NBPF9: variants seen among roughly 807,000 people sequenced by gnomAD.
NBPF9 encodes the protein NBPF family member NBPF9.
NBPF9 carries 91 observed loss-of-function variants against 97.8 expected under a neutral mutation model. The observed-to-expected ratio is 0.93, with a 90% CI of 0.79 to 1.11. The LOEUF (loss-of-function observed/expected upper bound fraction) is 1.11, where lower values mean the gene tolerates loss of function less well. Among genes scored for constraint, NBPF9 ranks in the 50% least tolerant of loss-of-function variants. The pLI, the probability that NBPF9 is intolerant of heterozygous loss-of-function variation, is 0.00. For missense variants in NBPF9, 992 were observed against 939.5 expected (o/e 1.06, Z -0.73); for synonymous variants, 334 against 359.5 (o/e 0.93, Z 0.80).
chr1:149,081,450 G>A (rs9441137), intron 7 of NBPF9, among the ~76,000 whole-genome samples: 14 of 149,612 alleles, frequency 9.4e-5, no homozygotes, highest in African/African-American at 3.4e-4. Flanking sequence ...GTCACTTATA[G>A]GTAGCACAGG....
chr1:149,082,118 A>T (rs1473905642), exon 7 of NBPF9: 11 of 1,611,826 alleles, frequency 6.8e-6, no homozygotes, highest in Admixed American at 3.3e-5. Context: ...TCGCTGGACC[A>T]AGGGCCGGCT....
intron 21 of NBPF9, 103 bp from the exon 22 acceptor site, chr1:149,062,368 A>T (rs879235462): frequency 1.1e-5 from 7 of 651,712 alleles, no homozygotes; most frequent in East Asian, 5.4e-5. Context: ...TAAAAAGAAA[A>T]AGGACAGATC....
At chr1:149,079,785 C>T (rs1437991554) in intron 8 of NBPF9, among the ~76,000 whole-genome samples, 22 of 151,964 alleles carry the variant, frequency 1.4e-4, no homozygotes, top group Admixed American at 3.3e-4. Flanking sequence ...TAGGTGGTTC[C>T]CACTCCTTTG....
At chr1:149,079,414 G>A (rs1486580576) in intron 8 of NBPF9, among the ~76,000 whole-genome samples, 193 bp from the exon 9 acceptor site, 1 of 151,568 alleles carries the variant, frequency 6.6e-6, no homozygotes, top group Admixed American at 6.6e-5. Flanking sequence ...TATCAGAGAG[G>A]GCTCCTGCAA....
At position 149,065,593 on chromosome 1, in the gene NBPF9, G is replaced by C. The variant is rs2078989198; in HGVS notation, c.1734C>G (p.Tyr578Ter). ...AGTGAAATGTGCTGCTGTAAGACTT[G>C]TACGAGGCCAACATTTCAGGAGGAA... The change falls in exon 18 of 30, where the codon TAC becomes TAG. Residue 578 changes from tyrosine (Y) to a stop codon, truncating the protein, a stop_gained. Coordinates refer to ENST00000584027, the Ensembl canonical transcript of NBPF9. LOFTEE classifies it high-confidence loss of function. The C allele has an allele frequency of 1.9e-6, 3 of 1,609,106 alleles. No homozygotes were observed. The highest frequency in any genetic ancestry group is 1.1e-5 in the South Asian group (1 of 90,576).
intron 7 of NBPF9, 136 bp from the exon 8 acceptor site, chr1:149,080,291 A>G: frequency 1.6e-6 from 1 of 627,644 alleles, no homozygotes; most frequent in Non-Finnish European, 2.8e-6. Context: ...GGATTTCCAC[A>G]TCTTTACTCT....
At chr1:149,081,474 A>C (rs1438458155) in intron 7 of NBPF9, among the ~76,000 whole-genome samples, 17 of 151,192 alleles carry the variant, frequency 1.1e-4, no homozygotes, top group African/African-American at 4.1e-4. Context: ...TATTAGGAGC[A>C]GACTCCTCTT....
exon 22 of NBPF9, chr1:149,062,173 A>C (rs782525600): frequency 4.4e-6 from 4 of 904,398 alleles, no homozygotes; most frequent in Admixed American, 1.7e-5. Context: ...TAAGTCAGGC[A>C]GTTCAAGATA....
intron 27 of NBPF9, 115 bp downstream of exon 27, chr1:149,058,049 T>C: frequency 6.6e-6 from 2 of 302,928 alleles, no homozygotes; most frequent in Non-Finnish European, 1.1e-5. Flanking sequence ...TTAGTAGGAA[T>C]AATTCAGGCT....
chr1:149,090,105 C>A (rs1236565307), intron 5 of NBPF9: 1 of 150,836 alleles, frequency 6.6e-6, no homozygotes, highest in Non-Finnish European at 1.5e-5. Context: ...TTCTTCACCA[C>A]AACAATCTCC....
intron 5 of NBPF9, among the ~76,000 whole-genome samples, chr1:149,086,663 T>C (rs1236506957): frequency 0.022 from 3,310 of 152,158 alleles, 8 homozygotes; most frequent in African/African-American, 0.075. Flanking sequence ...AATGCACACT[T>C]CCACATACAC....
chr1:149,062,838 G>A (rs1170829580), intron 21 of NBPF9, 24 bp downstream of exon 21: 16 of 667,254 alleles, frequency 2.4e-5, no homozygotes, highest in Admixed American at 5.2e-5. Context: ...ACAGAATTAA[G>A]CATCCATAAT....
exon 12 of NBPF9, chr1:149,075,762 T>G (rs1553654152): frequency 6.3e-7 from 1 of 1,585,512 alleles, no homozygotes; most frequent in Admixed American, 1.7e-5. Context: ...GGGGCGCAAT[T>G]TCTCATTGAT....
Position 149,073,683 on chromosome 1 carries a change from T to G in NBPF9, c.1091+85A>C, listed in dbSNP as rs1439159333. ...TTCCTGCCCTTCCCCTGGCCCAGCT[T>G]AGCTCTTACGTCTCCCCACCGAGCT... On this transcript the variant is annotated intron_variant, in intron 13 of 29. Transcript: ENST00000584027. The G allele has an allele frequency of 1.0e-3, 1,034 of 1,022,380 alleles. 15 individuals are homozygous for G. The highest frequency in any genetic ancestry group is 1.4e-3 in the Non-Finnish European group (908 of 649,820). 63.3% of individuals were successfully genotyped at this position (1,022,380 alleles called of 1,614,324 possible). A position where few individuals can be genotyped will look rare whatever the true frequency, so the allele number is the denominator to read the frequency against.
chr1:149,077,704 T>C lies in NBPF9; in HGVS notation c.566+179A>G, dbSNP rs587755508. Among the ~76,000 whole-genome samples the C allele has an allele frequency of 5.7e-3, 860 of 152,126 alleles. 2 individuals carry two copies. Among genetic ancestry groups the C allele is most frequent in the Non-Finnish European group, 8.9e-3 (605 of 67,926 alleles). On this transcript the variant is annotated intron_variant, in intron 10 of 29. Coordinates refer to ENST00000584027, the Ensembl canonical transcript of NBPF9. ...CCCTGTATGGTACAGACATGACACTTGGCACACATAGAGAAACACGACAGC... is the reference window on the plus strand; with the variant it reads ...CCCTGTATGGTACAGACATGACACTCGGCACACATAGAGAAACACGACAGC...
chr1:149,084,634 G>T (rs1183829617), intron 5 of NBPF9, among the ~76,000 whole-genome samples: 2 of 151,204 alleles, frequency 1.3e-5, no homozygotes, highest in Non-Finnish European at 2.9e-5. Context: ...CCTCGTGGCG[G>T]ACGGGACCTG....
At chr1:149,087,402 G>T (rs1158845547) in intron 5 of NBPF9, among the ~76,000 whole-genome samples, 1 of 150,356 alleles carries the variant, frequency 6.7e-6, no homozygotes, top group Non-Finnish European at 1.5e-5. Context: ...GAATCAATTA[G>T]ACATACATGT....
intron 3 of NBPF9, among the ~76,000 whole-genome samples, chr1:149,099,916 A>G (rs1308994665): frequency 6.7e-6 from 1 of 149,682 alleles, no homozygotes; most frequent in Non-Finnish European, 1.5e-5. Flanking sequence ...TGAGAGGTCA[A>G]GGCTGCAGAG....
chr1:149,082,278 G>A lies in NBPF9; in HGVS notation c.-42C>T, dbSNP rs587716790. On this transcript the variant is annotated 5_prime_UTR_variant, in exon 6 of 30. Coordinates refer to ENST00000584027, the Ensembl canonical transcript of NBPF9. The stretch of plus-strand genomic sequence containing the variant: ...CAGTAACTGAAATTCTTACCTTACT[G>A]TTGTGAAAAATGTGATCACTCCCAC... 1.1e-3 allele frequency: 1,673 copies of A among 1,531,692 alleles called. 2 individuals are homozygous for A. Among genetic ancestry groups the A allele is most frequent in the Non-Finnish European group, 1.2e-3 (1,326 of 1,126,232 alleles). 94.9% of individuals were successfully genotyped at this position (1,531,692 alleles called of 1,614,324 possible).
Sources: gnomAD v4.1 joint callset for allele counts (sites outside exome capture counted in the v4.1 genomes callset) on GRCh38, gnomAD v4.1.1 for gene constraint, MANE v1.5 for transcripts, NCBI Gene and HGNC (gene_info 2026-07-23, HGNC 2026-07-21) for gene names.